IL24: variants seen among roughly 807,000 people sequenced by gnomAD.
The protein encoded by IL24 is interleukin 24.
IL24 carries 24 observed loss-of-function variants against 27.6 expected under a neutral mutation model. That is an observed-to-expected ratio of 0.87 (90% confidence interval 0.63 to 1.22). IL24 has a LOEUF of 1.22. IL24 is among the 50% of genes most tolerant of loss of function. IL24 has a pLI of 0.00. For missense variants in IL24, 240 were observed against 237.0 expected (o/e 1.01, Z -0.08); for synonymous variants, 99 against 93.1 (o/e 1.06, Z -0.36).
chr1:206,900,435 G>T (rs567862915), intron 4 of IL24, 78 bp downstream of exon 4: 8 of 1,265,910 alleles, frequency 6.3e-6, no homozygotes, highest in African/African-American at 1.5e-5. Context: ...CTTAGGGGAG[G>T]TTGATGAAAG....
intron 4 of IL24, among the ~76,000 whole-genome samples, chr1:206,900,845 T>C (rs886698382): frequency 7.2e-5 from 11 of 152,186 alleles, no homozygotes; most frequent in Non-Finnish European, 1.5e-4. Flanking sequence ...TTCTGTCATG[T>C]GAGCTCATGT....
Position 206,899,511 on chromosome 1 carries a change from C to A in IL24, c.236C>A (p.Thr79Asn). ...GAAGCCTTCTGGGCTGTGAAAGACA[C>A]TATGGTGAGTAAAGTGCTGTTCTGG... ...LWEAFWAVKD[T>N]MQAQDNITSA... The change falls in exon 3 of 7, where the codon ACT (threonine) becomes AAT (asparagine). Residue 79 changes from threonine (T) to asparagine (N), a missense_variant. Transcript: ENST00000294984. The A allele has an allele frequency of 6.3e-7, 1 of 1,596,368 alleles. No homozygotes were observed. The highest frequency in any genetic ancestry group is 8.5e-7 in the Non-Finnish European group (1 of 1,171,634).
chr1:206,900,819 T>G (rs1678349565), intron 4 of IL24, among the ~76,000 whole-genome samples: 2 of 152,290 alleles, frequency 1.3e-5, no homozygotes, highest in Non-Finnish European at 2.9e-5. Flanking sequence ...AACCCTAACC[T>G]GGAGACATCT....
chr1:206,902,542 T>C (rs201078647), intron 6 of IL24: 2 of 976,254 alleles, frequency 2.0e-6, no homozygotes, highest in South Asian at 4.7e-5. Context: ...CCAGCCCCCC[T>C]AAAAACATAA....
chr1:206,902,837 G>C (rs1201011974), intron 6 of IL24, 139 bp from the exon 7 acceptor site: 2 of 1,549,288 alleles, frequency 1.3e-6, no homozygotes, highest in East Asian at 2.3e-5. Flanking sequence ...GTGACAGGCA[G>C]GTGGGTTCAT....
At chr1:206,902,575 T>G in intron 6 of IL24, 5 of 985,336 alleles carry the variant, frequency 5.1e-6, no homozygotes, top group Non-Finnish European at 6.0e-6. Flanking sequence ...ACTTTTTTTT[T>G]TTTGAGGAAG....
At chr1:206,902,725 T>C (rs1190953055) in intron 6 of IL24, 1 of 985,236 alleles carries the variant, frequency 1.0e-6, no homozygotes, top group Non-Finnish European at 1.2e-6. Flanking sequence ...TTGCTGTTGT[T>C]AGGGGTGCCA....
rs1678376782 is a variant in IL24, at chr1:206,901,483, A to G, written c.304-11A>G. 1 of 1,607,194 alleles carries G rather than the reference A, an allele frequency of 6.2e-7. No individual in the cohort carries two copies. Among genetic ancestry groups the G allele is most frequent in the Admixed American group, 1.7e-5 (1 of 59,658 alleles). On this transcript the variant is annotated splice_polypyrimidine_tract_variant and intron_variant, in intron 4 of 6. Coordinates refer to ENST00000294984, the MANE Select transcript of IL24 (RefSeq NM_006850.3). Reference sequence around the variant, plus strand: ...AGGCCTTGGCTCAGCAGTGACCCAGACCTTCCCCAGGATGCTGAGAGCTGT... The same window carrying G: ...AGGCCTTGGCTCAGCAGTGACCCAGGCCTTCCCCAGGATGCTGAGAGCTGT...
Position 206,903,042 on chromosome 1 carries a change from A to G in IL24, c.604A>G (p.Lys202Glu). The G allele has an allele frequency of 6.2e-7, 1 of 1,614,100 alleles. No homozygotes were observed. Among genetic ancestry groups the G allele is most frequent in the Non-Finnish European group, 8.5e-7 (1 of 1,179,938 alleles). ...GGACATTCTTCTGACCTGGATGCAG[A>G]AATTCTACAAGCTCTGAATGTCTAG... ...EVDILLTWMQ[K>E]FYKL The change falls in exon 7 of 7, where the codon AAA becomes GAA. Residue 202 changes from lysine (K) to glutamate (E), a missense_variant. Coordinates refer to ENST00000294984, the MANE Select transcript of IL24 (RefSeq NM_006850.3).
In IL24 at chr1:206,899,446, GC is replaced by G; in HGVS notation, c.174del (p.Cys59AlafsTer3). The G allele has an allele frequency of 6.2e-7, 1 of 1,614,056 alleles. No individual in the cohort carries two copies. Among genetic ancestry groups the G allele is most frequent in the Non-Finnish European group, 8.5e-7 (1 of 1,179,940 alleles). On this transcript the variant is annotated frameshift_variant, in exon 3 of 7. Coordinates refer to ENST00000294984, the MANE Select transcript of IL24 (RefSeq NM_006850.3). LOFTEE classifies it high-confidence loss of function. The part of the protein sequence containing the change: ...GAQGQEFHFG[P>X]CQVKGVVPQK... The stretch of plus-strand genomic sequence containing the variant: ...CCCAGGGCCAAGAATTCCACTTTGG[GC>G]CCTGCCAAGTGAAGGGGGTTGTTCC...
intron 4 of IL24, among the ~76,000 whole-genome samples, chr1:206,901,116 C>T (rs1678358298): frequency 6.6e-6 from 1 of 152,196 alleles, no homozygotes; most frequent in Non-Finnish European, 1.5e-5. Context: ...AACTCTATAT[C>T]ACCAAGTCCA....
Position 206,899,413 on chromosome 1 carries a change from A to T in IL24, c.138A>T (p.Val46=). The T allele has an allele frequency of 1.2e-6, 2 of 1,614,202 alleles. No homozygotes were observed. The highest frequency in any genetic ancestry group is 1.7e-6 in the Non-Finnish European group (2 of 1,180,032). The part of the protein sequence containing the change: ...LGFTLLLWSQ[V]SGAQGQEFHF... ...TTACCCTGCTTCTCTGGAGCCAGGT[A>T]TCAGGGGCCCAGGGCCAAGAATTCC... is the stretch of plus-strand genomic sequence containing the variant. Residue 46 remains valine (V), a synonymous_variant, in exon 3 of 7, where the codon GTA becomes GTT. Transcript: ENST00000294984.
intron 6 of IL24, 175 bp from the exon 7 acceptor site, chr1:206,902,801 G>A: frequency 5.1e-6 from 5 of 985,396 alleles, no homozygotes; most frequent in Non-Finnish European, 6.0e-6. Context: ...CCCTGAAGCA[G>A]ATAAACACAT....
chr1:206,902,626 A>C, intron 6 of IL24: 1 of 985,176 alleles, frequency 1.0e-6, no homozygotes, highest in Non-Finnish European at 1.2e-6. Flanking sequence ...GAGCAATAAC[A>C]TCTGATGGAG....
chr1:206,899,193 T>C, intron 2 of IL24, 127 bp from the exon 3 acceptor site: 5 of 933,056 alleles, frequency 5.4e-6, no homozygotes, highest in Non-Finnish European at 4.7e-6. Flanking sequence ...CGGTTTGCAA[T>C]AGTCTCAACT....
At chr1:206,901,806 G>GC (rs1477031673) in intron 5 of IL24, among the ~76,000 whole-genome samples, 154 bp downstream of exon 5, 1 of 152,168 alleles carries the variant, frequency 6.6e-6, no homozygotes, top group East Asian at 1.9e-4. Flanking sequence ...TGGCAGGATT[G>GC]CTGCGAGAAT....
intron 3 of IL24, 25 bp downstream of exon 3, chr1:206,899,540 C>T (rs958385557): frequency 6.5e-7 from 1 of 1,530,500 alleles, no homozygotes; most frequent in Admixed American, 2.0e-5. Flanking sequence ...GTTCTGGACC[C>T]AGTCGTGGGG....
rs372980782 is a variant in IL24, at chr1:206,903,169, G to A, written c.*110G>A. The stretch of plus-strand genomic sequence containing the variant: ...TGGACACTTCACGCCCTTGGCCATG[G>A]GTCCCATTCTTGGCCCAGGATTATT... On this transcript the variant is annotated 3_prime_UTR_variant, in exon 7 of 7. Transcript: ENST00000294984. 3 of 912,158 alleles carry A rather than the reference G, an allele frequency of 3.3e-6. No individual in the cohort carries two copies. The African/African-American group carries it at 4.9e-5, about 15-fold the overall frequency. 56.5% of individuals were successfully genotyped at this position (912,158 alleles called of 1,614,324 possible). A position where few individuals can be genotyped will look rare whatever the true frequency, so the allele number is the denominator to read the frequency against.
rs778498343 is a variant in IL24 at position 206,897,892 on chromosome 1, C to T, written c.44+16C>T. ...CTTTAGCCAGGTGCGGTGGCTCACACCTGTAATCCCAGAACTTTGGGAGGC... is the reference window on the plus strand; with the variant it reads ...CTTTAGCCAGGTGCGGTGGCTCACATCTGTAATCCCAGAACTTTGGGAGGC... On this transcript the variant is annotated intron_variant, in intron 2 of 6. Transcript: ENST00000294984. The T allele has an allele frequency of 6.4e-6, 10 of 1,567,500 alleles. No individual in the cohort carries two copies. Among genetic ancestry groups the T allele is most frequent in the South Asian group, 1.2e-5 (1 of 86,662 alleles).
Sources: gnomAD v4.1 joint callset for allele counts (sites outside exome capture counted in the v4.1 genomes callset) on GRCh38, gnomAD v4.1.1 for gene constraint, MANE v1.5 for transcripts, NCBI Gene and HGNC (gene_info 2026-07-23, HGNC 2026-07-21) for gene names.